ZNF429: variants seen among roughly 807,000 people sequenced by gnomAD.
ZNF429 encodes zinc finger protein 429.
ZNF429 carries 53 observed loss-of-function variants against 56.8 expected under a neutral mutation model. That is an observed-to-expected ratio of 0.93 (90% CI 0.75 to 1.17). ZNF429 has a LOEUF of 1.17. Among genes scored for constraint, ZNF429 ranks in the 50% most tolerant of loss-of-function variants. ZNF429 has a pLI of 0.00. For synonymous variants in ZNF429, 278 were observed against 264.7 expected (o/e 1.05, Z -0.49); for missense variants, 849 against 788.4 (o/e 1.08, Z -0.92).
At chr19:21,520,170 A>AT (rs1272100800) in intron 1 of ZNF429, among the ~76,000 whole-genome samples, 5 of 152,034 alleles carry the variant, frequency 3.3e-5, no homozygotes, top group East Asian at 1.9e-4. Context: ...ACACCCATGG[A>AT]TTTTTTTAGA....
At chr19:21,513,257 C>G (rs1388603764) in intron 1 of ZNF429, among the ~76,000 whole-genome samples, 1 of 152,140 alleles carries the variant, frequency 6.6e-6, no homozygotes, top group Non-Finnish European at 1.5e-5. Flanking sequence ...CAGCTGTTTT[C>G]TCGGATTATC....
At chr19:21,515,615 G>A (rs997181652) in intron 1 of ZNF429, among the ~76,000 whole-genome samples, 8 of 151,538 alleles carry the variant, frequency 5.3e-5, no homozygotes, top group African/African-American at 1.9e-4. Flanking sequence ...TCTTTAATTA[G>A]GTTGCATTCA....
chr19:21,505,690 A>C lies in ZNF429; in HGVS notation c.-82A>C, dbSNP rs922749499. 4.0e-6 allele frequency: 6 copies of C among 1,481,670 alleles called. No individual in the cohort carries two copies. The Admixed American group carries it at 9.0e-5, about 22-fold the overall frequency. 91.8% of individuals were successfully genotyped at this position (1,481,670 alleles called of 1,614,324 possible). ...TCATTTCTGTGTCCTTTGTTCTTAG[A>C]GGCCCAGCCTGTGTGGCCCTGTGAC... is the stretch of plus-strand genomic sequence containing the variant. On this transcript the variant is annotated 5_prime_UTR_variant, in exon 1 of 4. Transcript: ENST00000358491.
chr19:21,531,799 C>G, intron 3 of ZNF429, among the ~76,000 whole-genome samples: 1 of 142,204 alleles, frequency 7.0e-6, no homozygotes, highest in Non-Finnish European at 1.5e-5. Context: ...GAGTGAGACT[C>G]TGTCTCAAAA....
chr19:21,526,737 A>G (rs2033185330), intron 1 of ZNF429, among the ~76,000 whole-genome samples: 1 of 152,186 alleles, frequency 6.6e-6, no homozygotes, highest in African/African-American at 2.4e-5. Flanking sequence ...TTTTTTTTGT[A>G]AATAAATAAT....
chr19:21,516,233 T>TATC (rs952681015), intron 1 of ZNF429, among the ~76,000 whole-genome samples: 4 of 151,754 alleles, frequency 2.6e-5, no homozygotes, highest in African/African-American at 9.7e-5. Context: ...TATGCTCTGC[T>TATC]ATCATCATCA....
rs140592121 is a variant in ZNF429 at position 21,538,556 on chromosome 19, C to T, written c.*478C>T. ...CAGAGGTAGCAGTGAGCTGAGATCACGCCACTACACTCCAGCCTGGATGAC... is the reference window on the plus strand; with the variant it reads ...CAGAGGTAGCAGTGAGCTGAGATCATGCCACTACACTCCAGCCTGGATGAC... On this transcript the variant is annotated 3_prime_UTR_variant, in exon 4 of 4. Coordinates refer to ENST00000358491, the MANE Select transcript of ZNF429 (RefSeq NM_001001415.4). 7.9e-4 allele frequency: 121 copies of T among 152,444 alleles called. No homozygotes were observed. The highest frequency in any genetic ancestry group is 3.4e-3 in the Middle Eastern group (1 of 294). 9.4% of individuals were successfully genotyped at this position (152,444 alleles called of 1,614,324 possible).
Position 21,536,882 on chromosome 19 carries a change from A to G in ZNF429, c.829A>G (p.Arg277Gly). ...SRYSTLTTHK[R>G]IHSGEKPYKC... ...GTACTCAACCCTTACTACCCATAAG[A>G]GAATTCATTCTGGAGAGAAGCCCTA... Residue 277 changes from arginine (R) to glycine (G), a missense_variant, in exon 4 of 4, where the codon AGA (arginine) becomes GGA (glycine). Coordinates refer to ENST00000358491, the MANE Select transcript of ZNF429 (RefSeq NM_001001415.4). 6.2e-7 allele frequency: 1 copy of G among 1,612,352 alleles called. No individual in the cohort carries two copies. The highest frequency in any genetic ancestry group is 1.1e-5 in the South Asian group (1 of 90,714).
At chr19:21,519,233 CTATT>C (rs1297583812) in intron 1 of ZNF429, among the ~76,000 whole-genome samples, 2 of 152,196 alleles carry the variant, frequency 1.3e-5, no homozygotes, top group Non-Finnish European at 2.9e-5. Flanking sequence ...TTTGATAACA[CTATT>C]TAAGAAGCCA....
intron 2 of ZNF429, 123 bp from the exon 3 acceptor site, chr19:21,530,465 TA>T: frequency 1.8e-6 from 1 of 546,142 alleles, no homozygotes; most frequent in Non-Finnish European, 2.9e-6. Context: ...ATTTCTCTTA[TA>T]AATTGGTATT....
At chr19:21,506,977 A>G (rs1402434362) in intron 1 of ZNF429, among the ~76,000 whole-genome samples, 1 of 152,058 alleles carries the variant, frequency 6.6e-6, no homozygotes, top group Non-Finnish European at 1.5e-5. Flanking sequence ...CGTGTTGGTC[A>G]GGCTTGTCTT....
At chr19:21,527,046 T>C (rs2033195835) in intron 1 of ZNF429, among the ~76,000 whole-genome samples, 1 of 152,204 alleles carries the variant, frequency 6.6e-6, no homozygotes, top group South Asian at 2.1e-4. Flanking sequence ...GATACTTTAG[T>C]GTACAGATGA....
chr19:21,524,893 T>G (rs2033109378), intron 1 of ZNF429, among the ~76,000 whole-genome samples: 1 of 152,150 alleles, frequency 6.6e-6, no homozygotes. Flanking sequence ...AGATGAGAGT[T>G]TCTCTAGTTT....
chr19:21,524,724 C>T (rs1568421415), intron 1 of ZNF429, among the ~76,000 whole-genome samples: 1 of 152,214 alleles, frequency 6.6e-6, no homozygotes, highest in East Asian at 1.9e-4. Context: ...AACCCTCTCT[C>T]AATTAGCTAG....
intron 1 of ZNF429, among the ~76,000 whole-genome samples, chr19:21,512,666 A>G (rs1347032921): frequency 6.9e-6 from 1 of 144,440 alleles, no homozygotes; most frequent in Non-Finnish European, 1.5e-5. Flanking sequence ...CCATCTCAAA[A>G]AAAAAAAAAA....
intron 3 of ZNF429, among the ~76,000 whole-genome samples, chr19:21,534,419 AGGTTGGAGTACAGT>A: frequency 4.9e-5 from 7 of 141,558 alleles, no homozygotes; most frequent in Admixed American, 1.4e-4. Context: ...TCTGTCACCC[AGGTTGGAGTACAGT>A]GGCATGATTT....
In ZNF429 at chr19:21,536,517, A is replaced by T. The variant is rs375806784; in HGVS notation, c.464A>T (p.Tyr155Phe). 6 of 1,612,662 alleles carry T rather than the reference A, an allele frequency of 3.7e-6. No individual in the cohort carries two copies. The highest frequency in any genetic ancestry group is 5.1e-6 in the Non-Finnish European group (6 of 1,179,500). Residue 155 changes from tyrosine (Y) to phenylalanine (F), a missense_variant, in exon 4 of 4, where the codon TAT (tyrosine) becomes TTT (phenylalanine). Tyr to Phe is a conservative substitution (Grantham distance 22). Coordinates refer to ENST00000358491, the MANE Select transcript of ZNF429 (RefSeq NM_001001415.4). ...YHCDIYVKVF[Y>F]AFSNADRYKT... Reference sequence around the variant, plus strand: ...TGTGATATATATGTAAAAGTCTTTTATGCATTTTCAAATGCAGATAGATAC... The same window carrying T: ...TGTGATATATATGTAAAAGTCTTTTTTGCATTTTCAAATGCAGATAGATAC...
intron 1 of ZNF429, among the ~76,000 whole-genome samples, chr19:21,522,797 G>T (rs986404636): frequency 2.6e-5 from 4 of 151,946 alleles, no homozygotes; most frequent in African/African-American, 7.3e-5. Context: ...CTTGGAGGCC[G>T]AGACAGGAGA....
rs985701287 is a variant in ZNF429, at chr19:21,539,971, T to C, written c.*1893T>C. Reference sequence around the variant, plus strand: ...TGAAAATCTAAGTGGAGAGGCTCTTTGTGGTTAACTTATTGAGTGATGTAT... The same window carrying C: ...TGAAAATCTAAGTGGAGAGGCTCTTCGTGGTTAACTTATTGAGTGATGTAT... On this transcript the variant is annotated 3_prime_UTR_variant, in exon 4 of 4. Transcript: ENST00000358491. 1.3e-5 allele frequency among the ~76,000 whole-genome samples: 2 copies of C among 152,260 alleles called. No individual in the cohort carries two copies. Among genetic ancestry groups the C allele is most frequent in the Middle Eastern group, 3.4e-3 (1 of 294 alleles).
Sources: allele counts gnomAD v4.1 joint callset (sites outside exome capture counted in the v4.1 genomes callset), GRCh38; gene constraint gnomAD v4.1.1; transcripts MANE v1.5; gene names NCBI Gene and HGNC (gene_info 2026-07-23, HGNC 2026-07-21).